The following HTT variants were observed in gnomAD, a reference collection of about 807,000 sequenced individuals.
HTT encodes huntington disease protein.
In HTT, 104 loss-of-function variants were observed where a neutral mutation model predicts 362.3. The ratio of observed to expected loss-of-function variants is 0.29; its 90% CI spans 0.24 to 0.34. HTT has a LOEUF of 0.34. Among genes scored for constraint, HTT ranks in the 10% least tolerant of loss-of-function variants. The pLI, the probability that HTT is intolerant of heterozygous loss-of-function variation, is 1.00. For missense variants in HTT, 3,301 were observed against 3,928.6 expected (o/e 0.84, Z 4.27); for synonymous variants, 1,577 against 1,548.7 (o/e 1.02, Z -0.43).
chr4:3,077,064 G>C (rs1431552757), intron 1 of HTT, among the ~76,000 whole-genome samples: 1 of 152,016 alleles, frequency 6.6e-6, no homozygotes, highest in Non-Finnish European at 1.5e-5. Context: ...TGTAATCCAA[G>C]CTACCTGGGA....
chr4:3,136,050 CA>C, intron 20 of HTT, 83 bp downstream of exon 20: 1 of 1,031,058 alleles, frequency 9.7e-7, no homozygotes, highest in Non-Finnish European at 1.5e-6. Context: ...TCTCTAAATG[CA>C]TTCGTCATGT....
chr4:3,238,447 G>A lies in HTT; in HGVS notation c.8892G>A (p.Arg2964=). 1 of 1,607,426 alleles carries A rather than the reference G, an allele frequency of 6.2e-7. No individual in the cohort carries two copies. Among genetic ancestry groups the A allele is most frequent in the Non-Finnish European group, 8.5e-7 (1 of 1,176,688 alleles). Reference sequence around the variant, plus strand: ...CTCTGACCTGCGTCCCTCCTCCCAGGATCAGGAAAGGCTTTCCTTGTGAAG... The same window carrying A: ...CTCTGACCTGCGTCCCTCCTCCCAGAATCAGGAAAGGCTTTCCTTGTGAAG... ...AMERVSVLFD[R]IRKGFPCEAR... is the part of the protein sequence containing the mutation. The change falls in exon 65 of 67, where the codon AGG becomes AGA. Residue 2964 remains arginine, a splice_region_variant and synonymous_variant. Transcript: ENST00000355072.
intron 40 of HTT, among the ~76,000 whole-genome samples, chr4:3,195,372 C>T (rs1415903417): frequency 5.3e-5 from 8 of 152,110 alleles, no homozygotes; most frequent in Non-Finnish European, 7.4e-5. Flanking sequence ...CTGCTGCGTG[C>T]AGCTGTAGCT....
chr4:3,225,086 C>T (rs546023710), intron 56 of HTT, among the ~76,000 whole-genome samples: 82 of 150,202 alleles, frequency 5.5e-4, no homozygotes, highest in Non-Finnish European at 1.0e-3. Flanking sequence ...GGACATTTAG[C>T]GGGAGGCTGG....
At chr4:3,127,739 G>A (rs544091426) in intron 12 of HTT, 135 bp downstream of exon 12, 69 of 656,716 alleles carry the variant, frequency 1.1e-4, no homozygotes, top group South Asian at 5.0e-4. Flanking sequence ...TGAGGCAGGC[G>A]GATCACTTGA....
At chr4:3,104,615 A>T (rs1714333571) in intron 4 of HTT, among the ~76,000 whole-genome samples, 1 of 152,096 alleles carries the variant, frequency 6.6e-6, no homozygotes, top group African/African-American at 2.4e-5. Context: ...CTCAAAAAAT[A>T]AAAATGAAAT....
In HTT at chr4:3,122,926, A is replaced by C. The variant is rs771706603; in HGVS notation, c.1311A>C (p.Arg437Ser). 19 of 1,611,482 alleles carry C rather than the reference A, an allele frequency of 1.2e-5. No individual in the cohort carries two copies. The South Asian group carries it at 2.0e-4, about 17-fold the overall frequency. Reference sequence around the variant, plus strand: ...CCTCATGCAGCCCTGTCCTTTCAAGAAAACAAAAAGGTGATTATTTCAGAA... The same window carrying C: ...CCTCATGCAGCCCTGTCCTTTCAAGCAAACAAAAAGGTGATTATTTCAGAA... ...GGSSCSPVLS[R>S]KQKGKVLLGE... Residue 437 changes from arginine (R) to serine (S), a missense_variant, in exon 10 of 67, where the codon AGA (arginine) becomes AGC (serine). This residue lies in a region of HTT where 2,316 missense variants were observed against 2,658.5 expected (regional missense o/e 0.87). Transcript: ENST00000355072.
chr4:3,210,916 T>TTTTTTTTTTA (rs1720125679), intron 47 of HTT, among the ~76,000 whole-genome samples: 1 of 150,064 alleles, frequency 6.7e-6, no homozygotes. Flanking sequence ...TTTTTTTTTT[T>TTTTTTTTTTA]TTTGAGACAA....
At chr4:3,112,510 G>T (rs980899982) in intron 6 of HTT, among the ~76,000 whole-genome samples, 1 of 152,196 alleles carries the variant, frequency 6.6e-6, no homozygotes. Context: ...CATAGACCAT[G>T]GATTAAGTGT....
rs1354786678 is a variant in HTT, at chr4:3,223,530, G to A, written c.7595G>A (p.Arg2532Gln). The A allele has an allele frequency of 2.5e-6, 4 of 1,612,614 alleles. No individual in the cohort carries two copies. The highest frequency in any genetic ancestry group is 1.7e-5 in the Admixed American group (1 of 59,644). ...PAVSCLEQQPRNKPLKALDTR... is the reference protein window; with the variant it reads ...PAVSCLEQQPQNKPLKALDTR... ...GTAAGCTGCTTGGAGCAGCAGCCCC[G>A]GAACAAGCCTCTGAAAGCTCTCGAC... The change falls in exon 55 of 67, where the codon CGG (arginine) becomes CAG (glutamine). Residue 2532 changes from arginine to glutamine, a missense_variant. By Grantham distance (43) the Arg-to-Gln change is conservative. Transcript: ENST00000355072.
intron 41 of HTT, among the ~76,000 whole-genome samples, chr4:3,202,300 A>G (rs1348314965): frequency 6.6e-6 from 1 of 152,084 alleles, no homozygotes; most frequent in East Asian, 1.9e-4. Flanking sequence ...TGCTGCTACA[A>G]ATTGGGGCTG....
At chr4:3,221,470 C>A (rs529600460) in intron 53 of HTT, among the ~76,000 whole-genome samples, 1 of 152,206 alleles carries the variant, frequency 6.6e-6, no homozygotes, top group Non-Finnish European at 1.5e-5. Context: ...TGTCTGTGCT[C>A]ATTTTCTTTG....
At chr4:3,101,599 T>C (rs998168886) in intron 3 of HTT, among the ~76,000 whole-genome samples, 4 of 152,152 alleles carry the variant, frequency 2.6e-5, no homozygotes, top group African/African-American at 9.7e-5. Context: ...TTCTCATGAG[T>C]ATGGCTGTGT....
chr4:3,205,804 C>A (rs1719830551), intron 42 of HTT, among the ~76,000 whole-genome samples: 1 of 152,068 alleles, frequency 6.6e-6, no homozygotes, highest in South Asian at 2.1e-4. Flanking sequence ...TCAGATGATC[C>A]CAAATGAAAA....
intron 41 of HTT, 24 bp downstream of exon 41, chr4:3,199,963 C>T (rs747200015): frequency 8.2e-6 from 13 of 1,585,212 alleles, no homozygotes; most frequent in African/African-American, 1.3e-5. Flanking sequence ...GCCCCACAGC[C>T]CAGGGCGCCA....
At chr4:3,198,215 ATTTTTTTTTTTT>A (rs200014691) in intron 40 of HTT, among the ~76,000 whole-genome samples, 42 of 60,384 alleles carry the variant, frequency 7.0e-4, no homozygotes, top group South Asian at 6.7e-3. Context: ...GGATGTGTTG[ATTTTTTTTTTTT>A]TTTTTTTTTT....
intron 53 of HTT, among the ~76,000 whole-genome samples, chr4:3,220,780 G>A (rs539432005): frequency 6.6e-6 from 1 of 152,246 alleles, no homozygotes; most frequent in African/African-American, 2.4e-5. Context: ...GGCAGCATGG[G>A]GAGAAAGCAG....
At chr4:3,187,948 ACAGT>A (rs1227684358) in intron 39 of HTT, 62 bp downstream of exon 39, 2 of 949,930 alleles carry the variant, frequency 2.1e-6, no homozygotes, top group African/African-American at 3.3e-5. Context: ...GTGATGTTTC[ACAGT>A]CAGTAAGTCT....
intron 29 of HTT, among the ~76,000 whole-genome samples, chr4:3,164,749 T>C (rs561761120): frequency 6.6e-6 from 1 of 151,398 alleles, no homozygotes; most frequent in East Asian, 1.9e-4. Context: ...CAATCCCTGC[T>C]TTTTTTTTGC....
Sources: gnomAD v4.1 joint callset for allele counts (sites outside exome capture counted in the v4.1 genomes callset) on GRCh38, gnomAD v4.1.1 for gene constraint, gnomAD v4.1.1 regional missense constraint, MANE v1.5 for transcripts, NCBI Gene and HGNC (gene_info 2026-07-23, HGNC 2026-07-21) for gene names.